The following EXOC6B variants were observed in gnomAD, a reference collection of about 807,000 sequenced individuals.
The protein encoded by EXOC6B is SEC15 homolog B.
Under a neutral mutation model 113.5 loss-of-function variants are expected in EXOC6B, and 54 were observed. The observed-to-expected ratio is 0.48, with a 90% CI of 0.38 to 0.60. The LOEUF is 0.60. Among genes scored for constraint, EXOC6B ranks in the 20% least tolerant of loss-of-function variants. The pLI, the probability that EXOC6B is intolerant of heterozygous loss-of-function variation, is 0.00. For missense variants in EXOC6B, 797 were observed against 977.5 expected, an observed-to-expected ratio of 0.82 and a Z score of 2.46; for synonymous variants, 357 against 339.0, an observed-to-expected ratio of 1.05 and a Z score of -0.58.
chr2:72,469,466 C>G (rs1698263983), intron 17 of EXOC6B, among the ~76,000 whole-genome samples: 1 of 152,038 alleles, frequency 6.6e-6, no homozygotes, highest in African/African-American at 2.4e-5. Context: ...AATGCTTTCA[C>G]TGCATCTCAC....
rs1243079104 is a variant in EXOC6B, at chr2:72,282,663, CTCAT to C, written c.2196+52280_2196+52283del. ...AAAGAAGCAAACACTCTCCACGCTG[CTCAT>C]TAGAGCATACCTTAAAAATAACAAT... On this transcript the variant is annotated intron_variant, in intron 20 of 21. Transcript: ENST00000272427. Among the ~76,000 whole-genome samples, 16 of 152,118 alleles carry C rather than the reference CTCAT, an allele frequency of 1.1e-4. 1 individual carries two copies. The South Asian group carries it at 3.3e-3, about 32-fold the overall frequency.
chr2:72,358,438 T>C (rs562764351), intron 19 of EXOC6B, among the ~76,000 whole-genome samples: 18 of 152,242 alleles, frequency 1.2e-4, no homozygotes, highest in African/African-American at 4.3e-4. Context: ...TGTAATACAA[T>C]GACCTCCAGC....
intron 18 of EXOC6B, among the ~76,000 whole-genome samples, chr2:72,438,411 C>G (rs1696008769): frequency 6.6e-6 from 1 of 152,002 alleles, no homozygotes; most frequent in African/African-American, 2.4e-5. Context: ...GAGTTTGAGA[C>G]CAGCCTGTGC....
At chr2:72,421,055 A>C (rs1694840471) in intron 18 of EXOC6B, among the ~76,000 whole-genome samples, 1 of 152,124 alleles carries the variant, frequency 6.6e-6, no homozygotes, top group Admixed American at 6.5e-5. Context: ...GTGTCTGTTC[A>C]TATCCTTTGC....
chr2:72,752,995 T>G (rs1682160284), intron 1 of EXOC6B, among the ~76,000 whole-genome samples: 1 of 152,096 alleles, frequency 6.6e-6, no homozygotes, highest in Non-Finnish European at 1.5e-5. Flanking sequence ...CTCAGAGATC[T>G]CATCAATACC....
intron 6 of EXOC6B, among the ~76,000 whole-genome samples, chr2:72,579,497 A>G (rs1272600000): frequency 6.6e-6 from 1 of 152,222 alleles, no homozygotes; most frequent in East Asian, 1.9e-4. Flanking sequence ...TTGGCCCAAT[A>G]AAAACTTATA....
chr2:72,807,956 A>G (rs1685670863), intron 1 of EXOC6B, among the ~76,000 whole-genome samples: 5 of 152,238 alleles, frequency 3.3e-5, no homozygotes, highest in Non-Finnish European at 7.3e-5. Context: ...AAAAGATTAT[A>G]ACTGGATTGT....
intron 6 of EXOC6B, among the ~76,000 whole-genome samples, chr2:72,594,095 C>T (rs906800361): frequency 2.0e-5 from 3 of 152,164 alleles, no homozygotes; most frequent in African/African-American, 7.2e-5. Flanking sequence ...ATCCTCCAAA[C>T]TCAGCTTCCC....
At chr2:72,230,306 A>G (rs1681537382) in intron 20 of EXOC6B, among the ~76,000 whole-genome samples, 1 of 152,246 alleles carries the variant, frequency 6.6e-6, no homozygotes, top group African/African-American at 2.4e-5. Flanking sequence ...ACTAAGTTAG[A>G]AAAAATTATT....
At chr2:72,578,406 A>C (rs1705006290) in intron 6 of EXOC6B, among the ~76,000 whole-genome samples, 1 of 152,132 alleles carries the variant, frequency 6.6e-6, no homozygotes, top group Non-Finnish European at 1.5e-5. Flanking sequence ...CAATTGGATG[A>C]GGCTCTACCT....
At chr2:72,787,556 G>A (rs1034425057) in intron 1 of EXOC6B, among the ~76,000 whole-genome samples, 1 of 151,860 alleles carries the variant, frequency 6.6e-6, no homozygotes, top group African/African-American at 2.4e-5. Context: ...ATAAAAGATA[G>A]CTTTAAGGAA....
intron 19 of EXOC6B, among the ~76,000 whole-genome samples, chr2:72,338,888 G>C (rs1688854394): frequency 2.1e-5 from 3 of 144,534 alleles, no homozygotes; most frequent in African/African-American, 8.0e-5. Context: ...TTTATAACCT[G>C]AGAGAAGGAA....
chr2:72,274,008 T>C (rs2192015), intron 20 of EXOC6B, among the ~76,000 whole-genome samples: 74,457 of 151,926 alleles, frequency 0.49, 22,879 homozygotes, highest in African/African-American at 0.87. Context: ...CTATAGACAA[T>C]ATAATAAGAG....
At chr2:72,610,513 G>A (rs950045170) in intron 6 of EXOC6B, among the ~76,000 whole-genome samples, 1 of 151,858 alleles carries the variant, frequency 6.6e-6, no homozygotes, top group Admixed American at 6.6e-5. Flanking sequence ...AAAATATGGG[G>A]GTACATTAAG....
At chr2:72,521,645 A>G (rs1339145109) in intron 8 of EXOC6B, among the ~76,000 whole-genome samples, 4 of 152,182 alleles carry the variant, frequency 2.6e-5, no homozygotes, top group East Asian at 1.9e-4. Flanking sequence ...TTATGCATCT[A>G]AAGTATTTTG....
At chr2:72,801,022 A>G (rs1056977218) in intron 1 of EXOC6B, among the ~76,000 whole-genome samples, 4 of 152,224 alleles carry the variant, frequency 2.6e-5, no homozygotes, top group African/African-American at 9.6e-5. Flanking sequence ...AAGACACATT[A>G]AAGTGCATTA....
intron 18 of EXOC6B, among the ~76,000 whole-genome samples, chr2:72,402,134 T>G (rs978192017): frequency 6.6e-6 from 1 of 152,116 alleles, no homozygotes; most frequent in Non-Finnish European, 1.5e-5. Flanking sequence ...AGTCTTGGAC[T>G]TTTCTTTACC....
chr2:72,668,184 T>C (rs1201649253), intron 6 of EXOC6B, among the ~76,000 whole-genome samples: 1 of 152,152 alleles, frequency 6.6e-6, no homozygotes, highest in Non-Finnish European at 1.5e-5. Context: ...TAACCTTGAA[T>C]ATAAACAGTC....
At chr2:72,683,896 G>A (rs1352825361) in intron 6 of EXOC6B, among the ~76,000 whole-genome samples, 1 of 152,002 alleles carries the variant, frequency 6.6e-6, no homozygotes, top group African/African-American at 2.4e-5. Context: ...CCCAAAACAA[G>A]GCAGATAATT....
Sources: gnomAD v4.1 joint callset for allele counts (sites outside exome capture counted in the v4.1 genomes callset) on GRCh38, gnomAD v4.1.1 for gene constraint, MANE v1.5 for transcripts, NCBI Gene and HGNC (gene_info 2026-07-23, HGNC 2026-07-21) for gene names.